Variants in IGF2BP2 observed in about 807,000 individuals in gnomAD.
IGF2BP2 encodes the protein insulin like growth factor 2 mRNA binding protein 2.
In IGF2BP2, 17 loss-of-function variants were observed where a neutral mutation model predicts 75.8. The ratio of observed to expected loss-of-function variants is 0.22; its 90% CI spans 0.15 to 0.34. IGF2BP2 has a LOEUF of 0.34. Among genes scored for constraint, IGF2BP2 ranks in the 10% least tolerant of loss-of-function variants. The pLI, the probability that IGF2BP2 is intolerant of heterozygous loss-of-function variation, is 1.00. For missense variants in IGF2BP2, 516 were observed against 772.4 expected, an observed-to-expected ratio of 0.67 and a Z score of 3.93; for synonymous variants, 288 against 295.6, an observed-to-expected ratio of 0.97 and a Z score of 0.26.
intron 9 of IGF2BP2, chr3:185,675,077 A>C: frequency 4.4e-6 from 1 of 225,176 alleles, no homozygotes; most frequent in Non-Finnish European, 7.5e-6. Context: ...GCTTTTCCTT[A>C]TTTCAGTCTT....
chr3:185,784,745 G>C (rs1578291401), intron 2 of IGF2BP2, among the ~76,000 whole-genome samples: 1 of 152,228 alleles, frequency 6.6e-6, no homozygotes, highest in Non-Finnish European at 1.5e-5. Flanking sequence ...AAGAAAAATT[G>C]TAAGGAGAAC....
At chr3:185,769,830 C>CAAAAAAAAAAAAAAAAAAAAAAAAAAAA (rs35418660) in intron 2 of IGF2BP2, among the ~76,000 whole-genome samples, 1 of 77,172 alleles carries the variant, frequency 1.3e-5, no homozygotes. Context: ...ACCCTGTCTC[C>CAAAAAAAAAAAAAAAAAAAAAAAAAAAA]AAAAAAAAAA....
At chr3:185,677,021 A>AGAGATATATATATATATG (rs1386905813) in intron 7 of IGF2BP2, among the ~76,000 whole-genome samples, 16 of 63,252 alleles carry the variant, frequency 2.5e-4, no homozygotes, top group South Asian at 8.6e-4. Flanking sequence ...ATATATATGG[A>AGAGATATATATATATATG]GAGAGATATA....
intron 10 of IGF2BP2, among the ~76,000 whole-genome samples, chr3:185,661,467 T>C (rs1387246438): frequency 6.6e-6 from 1 of 151,590 alleles, no homozygotes; most frequent in Non-Finnish European, 1.5e-5. Context: ...CGAAACCCCA[T>C]CGCTAGCAAA....
At chr3:185,660,336 C>A (rs965769926) in intron 10 of IGF2BP2, among the ~76,000 whole-genome samples, 1 of 152,218 alleles carries the variant, frequency 6.6e-6, no homozygotes, top group Non-Finnish European at 1.5e-5. Flanking sequence ...ACTTGAGGAT[C>A]CCTGAGCAAA....
chr3:185,770,990 A>G (rs1733790902), intron 2 of IGF2BP2, among the ~76,000 whole-genome samples: 1 of 152,154 alleles, frequency 6.6e-6, no homozygotes, highest in African/African-American at 2.4e-5. Context: ...GCCTCAAGCA[A>G]TCTTCCCACC....
At chr3:185,735,454 C>T (rs1560382778) in intron 2 of IGF2BP2, among the ~76,000 whole-genome samples, 1 of 152,282 alleles carries the variant, frequency 6.6e-6, no homozygotes, top group East Asian at 1.9e-4. Flanking sequence ...CCTTACATCC[C>T]TTAATCTATG....
chr3:185,823,112 A>G (rs766948079), intron 2 of IGF2BP2, 41 bp downstream of exon 2: 31 of 1,382,364 alleles, frequency 2.2e-5, no homozygotes, highest in Non-Finnish European at 3.1e-5. Flanking sequence ...ACTTATACGT[A>G]AGGCCAATCG....
chr3:185,652,186 G>C lies in IGF2BP2; in HGVS notation c.1387-18C>G. On this transcript the variant is annotated intron_variant, in intron 12 of 15. Coordinates refer to ENST00000382199, the MANE Select transcript of IGF2BP2 (RefSeq NM_006548.6). ...GGGGCAATCTGTGGTTCACAGGAGA[G>C]GAAAACGCTGATGCTCGGCTGCATT... 5 of 1,598,324 alleles carry C rather than the reference G, an allele frequency of 3.1e-6. No homozygotes were observed. The South Asian group carries it at 5.6e-5, about 18-fold the overall frequency.
At chr3:185,724,005 T>G (rs757110733) in intron 2 of IGF2BP2, among the ~76,000 whole-genome samples, 63 of 152,158 alleles carry the variant, frequency 4.1e-4, no homozygotes, top group Non-Finnish European at 6.3e-4. Flanking sequence ...CGCCAGACTA[T>G]GCAGAGACAA....
chr3:185,725,868 G>A lies in IGF2BP2; in HGVS notation c.240-27521C>T, dbSNP rs191921650. Among the ~76,000 whole-genome samples, 4 of 152,312 alleles carry A rather than the reference G, an allele frequency of 2.6e-5. No homozygotes were observed. In the East Asian group the frequency reaches 7.7e-4, roughly 29 times the overall value. ...TGCTTGTAGTCCCAGTTACTTGGGAGGCTGAGGATCACCTGAGCCCAGGAA... is the reference window on the plus strand; with the variant it reads ...TGCTTGTAGTCCCAGTTACTTGGGAAGCTGAGGATCACCTGAGCCCAGGAA... On this transcript the variant is annotated intron_variant, in intron 2 of 15. Transcript: ENST00000382199.
At chr3:185,739,620 G>A (rs1729278465) in intron 2 of IGF2BP2, among the ~76,000 whole-genome samples, 1 of 151,926 alleles carries the variant, frequency 6.6e-6, no homozygotes, top group Non-Finnish European at 1.5e-5. Context: ...CTCTAGTCAG[G>A]GAGCTCTAAG....
chr3:185,675,502 T>A, intron 8 of IGF2BP2, 71 bp from the exon 9 acceptor site: 1 of 1,560,734 alleles, frequency 6.4e-7, no homozygotes, highest in Non-Finnish European at 8.7e-7. Flanking sequence ...AATAAAAAAA[T>A]CACAAACAAG....
intron 2 of IGF2BP2, among the ~76,000 whole-genome samples, chr3:185,778,369 A>C (rs1734789236): frequency 6.6e-6 from 1 of 152,198 alleles, no homozygotes; most frequent in South Asian, 2.1e-4. Flanking sequence ...GAAAAGCCAC[A>C]CAGACAGGGA....
intron 2 of IGF2BP2, among the ~76,000 whole-genome samples, chr3:185,702,697 C>T (rs1221432010): frequency 2.0e-5 from 3 of 152,042 alleles, no homozygotes; most frequent in Non-Finnish European, 2.9e-5. Flanking sequence ...TTTCCACACA[C>T]GGAGAGGGCT....
intron 2 of IGF2BP2, among the ~76,000 whole-genome samples, chr3:185,719,444 G>A (rs1726159920): frequency 1.3e-5 from 2 of 152,188 alleles, no homozygotes; most frequent in South Asian, 4.1e-4. Context: ...TCCTTCATGT[G>A]CTTCATCTTA....
At chr3:185,681,362 A>C (rs1720361645) in intron 7 of IGF2BP2, among the ~76,000 whole-genome samples, 1 of 152,242 alleles carries the variant, frequency 6.6e-6, no homozygotes, top group Non-Finnish European at 1.5e-5. Context: ...TAGAATACTT[A>C]AGAATAAACC....
At position 185,647,618 on chromosome 3, in the gene IGF2BP2, G is replaced by T. The variant is rs1262153402; in HGVS notation, c.1594-480C>A. Among the ~76,000 whole-genome samples, 1 of 152,146 alleles carries T rather than the reference G, an allele frequency of 6.6e-6. No individual in the cohort carries two copies. The highest frequency in any genetic ancestry group is 1.9e-4 in the East Asian group (1 of 5,186). On this transcript the variant is annotated intron_variant, in intron 14 of 15. Coordinates refer to ENST00000382199, the MANE Select transcript of IGF2BP2 (RefSeq NM_006548.6). This position sits in a 1 kb window ranked among gnomAD's most constrained non-coding sequence, Gnocchi z 4.9. The stretch of plus-strand genomic sequence containing the variant: ...TCCTCGTTTTCACTCCTGCCGCCAA[G>T]ACTTGCTCATGCTGTTCCTACCCTT...
chr3:185,729,471 T>C (rs1032533354), intron 2 of IGF2BP2, among the ~76,000 whole-genome samples: 2 of 152,240 alleles, frequency 1.3e-5, no homozygotes, highest in African/African-American at 4.8e-5. Context: ...TATTTACTAT[T>C]ATGAGCTTGC....
Sources: allele counts gnomAD v4.1 joint callset (sites outside exome capture counted in the v4.1 genomes callset), GRCh38; gene constraint gnomAD v4.1.1; non-coding constraint Gnocchi (gnomAD v3.1); transcripts MANE v1.5; gene names NCBI Gene and HGNC (gene_info 2026-07-23, HGNC 2026-07-21).